KMT2C: variants seen among roughly 807,000 people sequenced by gnomAD.
The protein encoded by KMT2C is histone-lysine N-methyltransferase 2C.
In KMT2C, 88 loss-of-function variants were observed where a neutral mutation model predicts 507.9. The observed-to-expected ratio is 0.17, with a 90% CI of 0.15 to 0.21. KMT2C has a LOEUF of 0.21. Ranked by LOEUF, KMT2C falls within the 10% of genes least tolerant of loss-of-function variation. The probability of loss-of-function intolerance (pLI) is 1.00; values close to 1 mark genes in which losing one functional copy is unlikely to be tolerated. For missense variants in KMT2C, 4,954 were observed against 5,957.8 expected (o/e 0.83, Z 5.55); for synonymous variants, 2,049 against 2,080.8 (o/e 0.98, Z 0.42).
At position 152,222,563 on chromosome 7, in the gene KMT2C, A is replaced by C. The variant is rs774620130; in HGVS notation, c.3433+10T>G. ...AGAGTGCAGACTCACAGTTTAAATT[A>C]TTCTCTTACCATTAGACGCAGGCAT... On this transcript the variant is annotated intron_variant, in intron 21 of 58. Transcript: ENST00000262189. 12 of 1,455,630 alleles carry C rather than the reference A, an allele frequency of 8.2e-6. No homozygotes were observed. Among genetic ancestry groups the C allele is most frequent in the South Asian group, 1.2e-5 (1 of 86,916 alleles). 90.2% of individuals were successfully genotyped at this position (1,455,630 alleles called of 1,614,324 possible). A position where few individuals can be genotyped will look rare whatever the true frequency, so the allele number is the denominator to read the frequency against.
chr7:152,179,912 T>C lies in KMT2C; in HGVS notation c.7364A>G (p.Tyr2455Cys), dbSNP rs1408250399. The change falls in exon 37 of 59, where the codon TAT becomes TGT. Residue 2455 changes from tyrosine (Y) to cysteine (C), a missense_variant. Around this residue, in one of 29 missense-constraint regions of KMT2C, gnomAD observed 1,689 missense variants for 1,654.3 expected, o/e 1.02. Transcript: ENST00000262189. ...SPVAPPLGPR[Y>C]AVFPKDQRGP... ...ACGCTGATCTTTTGGGAAAACAGCA[T>C]ATCTAGGTCCTAAAGGAGGGGCAAC... The C allele has an allele frequency of 6.2e-7, 1 of 1,614,068 alleles. No homozygotes were observed. The highest frequency in any genetic ancestry group is 8.5e-7 in the Non-Finnish European group (1 of 1,179,962).
intron 1 of KMT2C, among the ~76,000 whole-genome samples, chr7:152,365,572 G>T (rs1221578341): frequency 6.6e-6 from 1 of 152,144 alleles, no homozygotes; most frequent in Non-Finnish European, 1.5e-5. Context: ...CTTCTTTTGA[G>T]ATGGAGTCTC....
intron 6 of KMT2C, among the ~76,000 whole-genome samples, chr7:152,278,690 A>G (rs1209631405): frequency 3.3e-5 from 5 of 152,262 alleles, no homozygotes; most frequent in African/African-American, 1.2e-4. Flanking sequence ...AGGTATAGCA[A>G]TAATTGCAAA....
At chr7:152,352,352 G>A (rs149585563) in intron 2 of KMT2C, among the ~76,000 whole-genome samples, 1,961 of 152,128 alleles carry the variant, frequency 0.013, 35 homozygotes, top group African/African-American at 0.043. Flanking sequence ...TTTTAATTTC[G>A]CCCTGGTCCT....
chr7:152,154,215 A>C, intron 47 of KMT2C, 52 bp downstream of exon 47: 1 of 1,604,298 alleles, frequency 6.2e-7, no homozygotes, highest in South Asian at 1.1e-5. Flanking sequence ...TATTTACATT[A>C]GTAAATTGGC....
In KMT2C at chr7:152,177,801, T is replaced by C; in HGVS notation, c.7652A>G (p.His2551Arg). 6.2e-7 allele frequency: 1 copy of C among 1,614,022 alleles called. No individual in the cohort carries two copies. Residue 2551 changes from histidine (H) to arginine (R), a missense_variant, in exon 38 of 59, where the codon CAC becomes CGC. Transcript: ENST00000262189. ...FSPQSLPVQQ[H>R]NILGQAYIEL... ...AATATATGCTTGGCCCAGTATGTTGTGCTGCTGAACTGGCAAGCTCTGTGG... is the reference window on the plus strand; with the variant it reads ...AATATATGCTTGGCCCAGTATGTTGCGCTGCTGAACTGGCAAGCTCTGTGG...
intron 56 of KMT2C, 99 bp downstream of exon 56, chr7:152,139,576 A>G: frequency 2.5e-6 from 2 of 815,064 alleles, no homozygotes; most frequent in Non-Finnish European, 4.2e-6. Flanking sequence ...TGAATGCAGC[A>G]TGACAGATTT....
chr7:152,432,556 C>G (rs2097872762), intron 1 of KMT2C, among the ~76,000 whole-genome samples: 1 of 152,116 alleles, frequency 6.6e-6, no homozygotes, highest in Admixed American at 6.6e-5. Flanking sequence ...GACATTTGTA[C>G]AATAGGAAAC....
intron 1 of KMT2C, among the ~76,000 whole-genome samples, chr7:152,387,240 A>T (rs1395555260): frequency 6.6e-6 from 1 of 151,706 alleles, no homozygotes; most frequent in Admixed American, 6.6e-5. Context: ...TACAACTTCT[A>T]TTTGGTTTTA....
At chr7:152,222,531 T>C (rs772085603) in intron 21 of KMT2C, 42 bp downstream of exon 21, 318 of 998,608 alleles carry the variant, frequency 3.2e-4, no homozygotes, top group Non-Finnish European at 4.7e-4. Context: ...TGCAAGTGAG[T>C]GGTACAAGAG....
At chr7:152,379,179 T>C (rs550498764) in intron 1 of KMT2C, among the ~76,000 whole-genome samples, 1 of 152,296 alleles carries the variant, frequency 6.6e-6, no homozygotes, top group African/African-American at 2.4e-5. Context: ...AAAAAGCAAA[T>C]TCTGCCCCCA....
chr7:152,259,126 A>AC (rs2095712282), intron 9 of KMT2C, among the ~76,000 whole-genome samples: 1 of 149,616 alleles, frequency 6.7e-6, no homozygotes, highest in Admixed American at 6.6e-5. Context: ...AAAGAAAAAA[A>AC]CAAGTATATC....
intron 43 of KMT2C, 29 bp from the exon 44 acceptor site, chr7:152,159,101 A>AG (rs1378285560): frequency 6.2e-6 from 10 of 1,601,678 alleles, no homozygotes; most frequent in Non-Finnish European, 8.6e-6. Context: ...GTAAAAAATA[A>AG]GTGAACAATT....
intron 1 of KMT2C, among the ~76,000 whole-genome samples, chr7:152,418,139 C>T (rs1458373083): frequency 2.6e-5 from 4 of 151,192 alleles, no homozygotes; most frequent in African/African-American, 4.9e-5. Flanking sequence ...GGGGATTCAC[C>T]ATGTTGGCCA....
intron 29 of KMT2C, 65 bp from the exon 30 acceptor site, chr7:152,194,326 T>C (rs901079056): frequency 2.4e-5 from 32 of 1,352,728 alleles, no homozygotes; most frequent in Non-Finnish European, 3.2e-5. Context: ...TGATATAAAA[T>C]AGTATTTAAC....
chr7:152,187,880 T>C (rs2093672522), intron 31 of KMT2C, 33 bp from the exon 32 acceptor site: 5 of 1,609,898 alleles, frequency 3.1e-6, no homozygotes, highest in East Asian at 2.2e-5. Flanking sequence ...GTTGGCATGA[T>C]ATTCACAAGT....
At chr7:152,287,091 C>A (rs1428852381) in intron 6 of KMT2C, among the ~76,000 whole-genome samples, 1 of 152,222 alleles carries the variant, frequency 6.6e-6, no homozygotes, top group Admixed American at 6.5e-5. Context: ...ACAGGACATT[C>A]ATACCCACTG....
chr7:152,385,183 C>G (rs1333240955), intron 1 of KMT2C, among the ~76,000 whole-genome samples: 1 of 152,160 alleles, frequency 6.6e-6, no homozygotes, highest in Non-Finnish European at 1.5e-5. Context: ...CAGCAAAATC[C>G]TGACTACAGG....
At position 152,144,819 on chromosome 7, in the gene KMT2C, A is replaced by G. The variant is rs1359673099; in HGVS notation, c.14237T>C (p.Leu4746Pro). ...AAACTGTTTACTATAAGGTGCGTTC[A>G]GTTCTCCAGTGACTGTGCTCTGAAA... ...KSFQSTVTGE[L>P]NAPYSKQFVH... The change falls in exon 55 of 59, where the codon CTG becomes CCG. Residue 4746 changes from leucine (L) to proline (P), a missense_variant. Coordinates refer to ENST00000262189, the MANE Select transcript of KMT2C (RefSeq NM_170606.3). The surrounding 1 kb of genome is among the most constrained non-coding windows in gnomAD (Gnocchi z 4.4). 2 of 1,614,082 alleles carry G rather than the reference A, an allele frequency of 1.2e-6. No homozygotes were observed. The highest frequency in any genetic ancestry group is 2.2e-5 in the East Asian group (1 of 44,900).
Sources: allele counts gnomAD v4.1 joint callset (sites outside exome capture counted in the v4.1 genomes callset), GRCh38; gene constraint gnomAD v4.1.1; regional missense constraint gnomAD v4.1.1; non-coding constraint Gnocchi (gnomAD v3.1); transcripts MANE v1.5; gene names NCBI Gene and HGNC (gene_info 2026-07-23, HGNC 2026-07-21).